Variants in ATIC observed in about 807,000 individuals in gnomAD.
ATIC encodes the protein bifunctional purine biosynthesis protein ATIC.
A neutral mutation model predicts 72.5 loss-of-function variants in ATIC; 64 were observed. The ratio of observed to expected loss-of-function variants is 0.88; its 90% confidence interval spans 0.72 to 1.09. The LOEUF (loss-of-function observed/expected upper bound fraction) is 1.09. Ranked by LOEUF, ATIC falls within the 50% of genes least tolerant of loss-of-function variation. The pLI is 0.00. For missense variants in ATIC, 787 were observed against 732.4 expected, an observed-to-expected ratio of 1.07 and a Z score of -0.86; for synonymous variants, 281 against 267.1, an observed-to-expected ratio of 1.05 and a Z score of -0.51.
chr2:215,342,429 A>G (rs781643989), intron 12 of ATIC, among the ~76,000 whole-genome samples: 4 of 152,116 alleles, frequency 2.6e-5, no homozygotes, highest in Non-Finnish European at 2.9e-5. Context: ...CCGTTACCCT[A>G]TTTCTCCTAA....
At chr2:215,341,714 G>A (rs926873174) in intron 12 of ATIC, among the ~76,000 whole-genome samples, 6 of 152,070 alleles carry the variant, frequency 3.9e-5, no homozygotes, top group African/African-American at 1.4e-4. Flanking sequence ...CTTGAATAGT[G>A]CTTTAATTGT....
downstream of ATIC, among the ~76,000 whole-genome samples, chr2:215,351,012 C>T (rs542925782): frequency 3.2e-4 from 48 of 152,324 alleles, no homozygotes; most frequent in African/African-American, 1.1e-3. Flanking sequence ...ACAAGGCTGA[C>T]TTGTGTGATC....
At chr2:215,324,279 A>G (rs535295656) in intron 4 of ATIC, among the ~76,000 whole-genome samples, 3 of 152,092 alleles carry the variant, frequency 2.0e-5, no homozygotes, top group Non-Finnish European at 2.9e-5. Flanking sequence ...TTTTTCTTAC[A>G]CTTTGTCATG....
At chr2:215,356,988 G>A in the ATIC span, among the ~76,000 whole-genome samples, 6 of 152,128 alleles carry the variant, frequency 3.9e-5, no homozygotes, top group East Asian at 3.8e-4. Context: ...ACTGTTTAAC[G>A]TTTTGAAGAG....
the ATIC span, among the ~76,000 whole-genome samples, chr2:215,357,029 C>G: frequency 6.6e-6 from 1 of 152,180 alleles, no homozygotes; most frequent in African/African-American, 2.4e-5. Flanking sequence ...GCAGCCGCAC[C>G]GTTTTACATT....
chr2:215,315,861 A>G (rs1260514925), intron 2 of ATIC, among the ~76,000 whole-genome samples: 3 of 152,000 alleles, frequency 2.0e-5, no homozygotes, highest in African/African-American at 4.8e-5. Context: ...AGGCTGAGGC[A>G]GGAGAATTGC....
Position 215,336,174 on chromosome 2 carries a change from CTCTT to C in ATIC, c.1098+54_1098+57del. The C allele has an allele frequency of 2.2e-6, 3 of 1,363,878 alleles. No homozygotes were observed. In the South Asian group the frequency reaches 3.5e-5, roughly 16 times the overall value. 84.5% of individuals were successfully genotyped at this position (1,363,878 alleles called of 1,614,324 possible). ...GGTAATTTGCTCTTTTATTCTGTGT[CTCTT>C]TCTCCCTTGTTTACTCTTTCCTTTA... On this transcript the variant is annotated intron_variant, in intron 11 of 15. Coordinates refer to ENST00000236959, the MANE Select transcript of ATIC (RefSeq NM_004044.7).
At position 215,318,197 on chromosome 2, in the gene ATIC, G is replaced by A. The variant is rs1257984179; in HGVS notation, c.187G>A (p.Gly63Arg). Residue 63 changes from glycine to arginine, a missense_variant, in exon 3 of 16, where the codon GGA becomes AGA. Gly to Arg is a moderately radical substitution (Grantham distance 125). Coordinates refer to ENST00000236959, the MANE Select transcript of ATIC (RefSeq NM_004044.7). ...ELTGFPEMLG[G>R]RVKTLHPAVH... The stretch of plus-strand genomic sequence containing the variant: ...GACGGGATTTCCTGAAATGTTGGGG[G>A]GACGTGTGAAAACTTTGCATCCTGC... 1.2e-6 allele frequency: 2 copies of A among 1,614,052 alleles called. No individual in the cohort carries two copies. Among genetic ancestry groups the A allele is most frequent in the South Asian group, 2.2e-5 (2 of 91,080 alleles).
intron 6 of ATIC, 102 bp from the exon 7 acceptor site, chr2:215,326,720 C>A: frequency 1.4e-6 from 2 of 1,434,074 alleles, no homozygotes; most frequent in Admixed American, 1.7e-5. Context: ...CCACATAGCA[C>A]TGAATAGTGA....
At chr2:215,354,459 A>C (rs1481940651), downstream of ATIC, among the ~76,000 whole-genome samples, 2 of 152,060 alleles carry the variant, frequency 1.3e-5, no homozygotes, top group African/African-American at 2.4e-5. Flanking sequence ...TCTTTGTGCT[A>C]ATATTTCCTC....
In ATIC at chr2:215,334,599, CTA is replaced by C. The variant is rs1476477969; in HGVS notation, c.923-318_923-317del. ...AGTATTTCTGAAAGTTCTTGAGAAA[CTA>C]TTACCATAGTTTATCATCTACAGCA... On this transcript the variant is annotated intron_variant, in intron 9 of 15. Coordinates refer to ENST00000236959, the MANE Select transcript of ATIC (RefSeq NM_004044.7). Among the ~76,000 whole-genome samples, 4 of 152,168 alleles carry C rather than the reference CTA, an allele frequency of 2.6e-5. No individual in the cohort carries two copies. The East Asian group carries it at 7.7e-4, about 29-fold the overall frequency.
At chr2:215,337,717 T>C (rs2052972316) in intron 11 of ATIC, among the ~76,000 whole-genome samples, 1 of 152,226 alleles carries the variant, frequency 6.6e-6, no homozygotes, top group Non-Finnish European at 1.5e-5. Flanking sequence ...AAGAGTGTTA[T>C]GTACTTAACA....
At chr2:215,360,839 A>C in the ATIC span, 1 of 152,674 alleles carries the variant, frequency 6.5e-6, no homozygotes, top group Non-Finnish European at 1.5e-5. Flanking sequence ...AAGGTGTCTT[A>C]TATCAAATAG....
At chr2:215,333,591 C>A (rs1433117805) in intron 9 of ATIC, 134 bp downstream of exon 9, 14 of 584,960 alleles carry the variant, frequency 2.4e-5, no homozygotes, top group Non-Finnish European at 3.5e-5. Context: ...TTAAGGACTT[C>A]TATCTCTATG....
At chr2:215,344,253 G>C (rs1399651731) in intron 12 of ATIC, among the ~76,000 whole-genome samples, 1 of 152,134 alleles carries the variant, frequency 6.6e-6, no homozygotes, top group Non-Finnish European at 1.5e-5. Context: ...TTGTGTCTAT[G>C]GATGCATTGT....
chr2:215,331,745 A>G (rs1254309144), intron 7 of ATIC, among the ~76,000 whole-genome samples: 1 of 152,034 alleles, frequency 6.6e-6, no homozygotes, highest in Non-Finnish European at 1.5e-5. Context: ...TCTTATGTTT[A>G]TTCACAAGAG....
At chr2:215,347,007 A>C (rs979767868) in intron 14 of ATIC, 66 bp downstream of exon 14, 23 of 1,552,926 alleles carry the variant, frequency 1.5e-5, no homozygotes, top group African/African-American at 5.4e-5. Context: ...TGTGTAACAG[A>C]TTTTAACTTC....
chr2:215,355,637 G>C, the ATIC span, among the ~76,000 whole-genome samples: 2 of 152,284 alleles, frequency 1.3e-5, no homozygotes, highest in South Asian at 2.1e-4. Flanking sequence ...GCCAAACACT[G>C]TGCCAGGCAC....
intron 2 of ATIC, 106 bp downstream of exon 2, chr2:215,312,730 C>A: frequency 6.6e-7 from 1 of 1,520,842 alleles, no homozygotes; most frequent in Non-Finnish European, 9.0e-7. Flanking sequence ...CTCCCAGTAG[C>A]GCTGTGAGGT....
Sources: allele counts gnomAD v4.1 joint callset (sites outside exome capture counted in the v4.1 genomes callset), GRCh38; gene constraint gnomAD v4.1.1; transcripts MANE v1.5; gene names NCBI Gene and HGNC (gene_info 2026-07-23, HGNC 2026-07-21).